JAKMIP3: variants seen among roughly 807,000 people sequenced by gnomAD.
JAKMIP3 encodes the protein Janus kinase and microtubule interacting protein 3.
Under a neutral mutation model 118.5 loss-of-function variants are expected in JAKMIP3, and 58 were observed. The observed-to-expected ratio is 0.49, with a 90% CI of 0.40 to 0.61. JAKMIP3 has a LOEUF of 0.61. Among genes scored for constraint, JAKMIP3 ranks in the 20% least tolerant of loss-of-function variants. The pLI is 0.00. For missense variants in JAKMIP3, 950 were observed against 1,109.0 expected (o/e 0.86, Z 2.04); for synonymous variants, 486 against 451.2 (o/e 1.08, Z -0.98).
chr10:132,180,580 C>CGTGTGTGT lies in JAKMIP3; in HGVS notation c.*1104-1774_*1104-1773insTGTGTGTG, dbSNP rs1241643311. 3.1e-4 allele frequency among the ~76,000 whole-genome samples: 4 copies of CGTGTGTGT among 12,988 alleles called. 2 individuals carry two copies. Among genetic ancestry groups the CGTGTGTGT allele is most frequent in the African/African-American group, 2.2e-3 (4 of 1,848 alleles). 8.5% of individuals were successfully genotyped at this position (12,988 alleles called of 152,430 possible). A position where few individuals can be genotyped will look rare whatever the true frequency, so the allele number is the denominator to read the frequency against. On this transcript the variant is annotated intron_variant, in intron 23 of 23. Coordinates refer to ENST00000684848, the MANE Select transcript of JAKMIP3 (RefSeq NM_001323087.2). ...ATGCGTGTGTGTGCGTGTGTGTGTG[C>CGTGTGTGT]GTGCGCGTGTGTGTGTGCGTGCGCG...
At position 132,180,623 on chromosome 10, in the gene JAKMIP3, G is replaced by GCA. The variant is rs2060892818; in HGVS notation, c.*1104-1734_*1104-1733insCA. ...CGTGCGCGTGTGTGTGTGCGTGTGTGTGCGTGTGTGCGTGCGTGTGTGCGT... is the reference window on the plus strand; with the variant it reads ...CGTGCGCGTGTGTGTGTGCGTGTGTGCATGCGTGTGTGCGTGCGTGTGTGCGT... On this transcript the variant is annotated intron_variant, in intron 23 of 23. Coordinates refer to ENST00000684848, the MANE Select transcript of JAKMIP3 (RefSeq NM_001323087.2). 4.0e-5 allele frequency among the ~76,000 whole-genome samples: 2 copies of GCA among 50,100 alleles called. 1 individual carries two copies. Among genetic ancestry groups the GCA allele is most frequent in the African/African-American group, 2.0e-4 (2 of 9,998 alleles). 32.9% of individuals were successfully genotyped at this position (50,100 alleles called of 152,430 possible). A position where few individuals can be genotyped will look rare whatever the true frequency, so the allele number is the denominator to read the frequency against.
At chr10:132,052,947 G>A (rs115454253) in intron 1 of JAKMIP3, among the ~76,000 whole-genome samples, 1,892 of 152,314 alleles carry the variant, frequency 0.012, 35 homozygotes, top group African/African-American at 0.043. Context: ...AACTGTATTT[G>A]TCAATTCTAA....
At chr10:132,134,896 G>A in intron 4 of JAKMIP3, 145 bp from the exon 5 acceptor site, 1 of 1,019,758 alleles carries the variant, frequency 9.8e-7, no homozygotes, top group Non-Finnish European at 1.4e-6. Context: ...TTTCCCCGGG[G>A]GGCTCCGAAC....
chr10:132,057,577 T>C (rs562116411), intron 1 of JAKMIP3, among the ~76,000 whole-genome samples: 5 of 152,354 alleles, frequency 3.3e-5, no homozygotes, highest in Non-Finnish European at 5.9e-5. Context: ...GGCCCCGGCA[T>C]GTGGCACAGG....
intron 1 of JAKMIP3, among the ~76,000 whole-genome samples, chr10:132,076,259 T>C (rs2040770691): frequency 6.6e-6 from 1 of 151,884 alleles, no homozygotes; most frequent in Non-Finnish European, 1.5e-5. Context: ...AATCATACAC[T>C]CTGTGGCCTT....
intron 13 of JAKMIP3, among the ~76,000 whole-genome samples, chr10:132,147,312 CT>C (rs1057323353): frequency 5.3e-5 from 8 of 152,244 alleles, no homozygotes; most frequent in African/African-American, 1.7e-4. Flanking sequence ...CTGTCTGCCC[CT>C]GGTGGCCCCT....
At chr10:132,070,582 T>A (rs1003761114) in intron 1 of JAKMIP3, among the ~76,000 whole-genome samples, 4 of 152,204 alleles carry the variant, frequency 2.6e-5, no homozygotes, top group African/African-American at 9.6e-5. Flanking sequence ...CCTCTTCCTT[T>A]TATGTAGATG....
intron 10 of JAKMIP3, 103 bp from the exon 11 acceptor site, chr10:132,141,817 T>A: frequency 7.7e-7 from 1 of 1,293,522 alleles, no homozygotes; most frequent in Non-Finnish European, 1.1e-6. Context: ...CATACACCAT[T>A]TGATATCTGG....
chr10:132,093,612 C>A (rs1222978110), intron 1 of JAKMIP3, among the ~76,000 whole-genome samples: 2 of 152,168 alleles, frequency 1.3e-5, no homozygotes, highest in Non-Finnish European at 2.9e-5. Context: ...GTAGGAGTGA[C>A]CCAATTTTCC....
At chr10:132,132,858 C>T (rs2050903587) in intron 3 of JAKMIP3, among the ~76,000 whole-genome samples, 1 of 152,212 alleles carries the variant, frequency 6.6e-6, no homozygotes, top group African/African-American at 2.4e-5. Context: ...CATGGTCTCC[C>T]CTGCCTGTTT....
intron 1 of JAKMIP3, among the ~76,000 whole-genome samples, chr10:132,053,941 G>A (rs1386773428): frequency 6.6e-6 from 1 of 151,636 alleles, no homozygotes; most frequent in African/African-American, 2.4e-5. Flanking sequence ...GGTGGGGGCT[G>A]AGGCAGGAGA....
At position 132,073,464 on chromosome 10, in the gene JAKMIP3, C is replaced by T. The variant is rs1456208815; in HGVS notation, c.-138+7403C>T. On this transcript the variant is annotated intron_variant, in intron 1 of 23. Coordinates refer to ENST00000684848, the MANE Select transcript of JAKMIP3 (RefSeq NM_001323087.2). ...CCTCCCAAAGTGCTGGGATTACAGG[C>T]GTGAGCCACTGCGCCCGGCCTATCT... 9.3e-5 allele frequency among the ~76,000 whole-genome samples: 14 copies of T among 151,132 alleles called. No individual in the cohort carries two copies. The East Asian group carries it at 1.9e-3, about 21-fold the overall frequency.
chr10:132,120,044 T>C (rs763905800), intron 3 of JAKMIP3, among the ~76,000 whole-genome samples: 3 of 152,210 alleles, frequency 2.0e-5, no homozygotes, highest in Admixed American at 6.5e-5. Context: ...AGTCGTAGAA[T>C]AGCCTAGTCA....
In JAKMIP3 at chr10:132,177,374, ACACATGCCAGTGTGTG is replaced by A. The variant is rs1341558749; in HGVS notation, c.*1104-4982_*1104-4967del. Among the ~76,000 whole-genome samples the A allele has an allele frequency of 1.2e-4, 19 of 152,376 alleles. No homozygotes were observed. In the East Asian group the frequency reaches 3.7e-3, roughly 29 times the overall value. On this transcript the variant is annotated intron_variant, in intron 23 of 23. Coordinates refer to ENST00000684848, the MANE Select transcript of JAKMIP3 (RefSeq NM_001323087.2). ...GCAGAAAGTGTGCGCACGTGTGTGC[ACACATGCCAGTGTGTG>A]GGGGGAGTGTGCCTGTGCATTTGGT...
chr10:132,081,712 G>A (rs1034042299), intron 1 of JAKMIP3, among the ~76,000 whole-genome samples: 2 of 151,976 alleles, frequency 1.3e-5, no homozygotes, highest in Non-Finnish European at 2.9e-5. Context: ...AGATGAGCCA[G>A]CCCCTCTGCT....
intron 1 of JAKMIP3, among the ~76,000 whole-genome samples, chr10:132,091,914 T>C (rs2043144230): frequency 1.3e-5 from 2 of 152,238 alleles, no homozygotes; most frequent in Non-Finnish European, 2.9e-5. Flanking sequence ...TGGTACTGGT[T>C]GTTCCTTTCC....
upstream of JAKMIP3, among the ~76,000 whole-genome samples, chr10:132,064,233 A>C (rs1369433287): frequency 6.6e-6 from 1 of 152,230 alleles, no homozygotes; most frequent in Non-Finnish European, 1.5e-5. The surrounding 1 kb of genome is among the most constrained non-coding windows in gnomAD (Gnocchi z 4.4). Flanking sequence ...TTAAAGGCTT[A>C]CAACAGCGCC....
At chr10:132,166,267 A>G (rs1269120478) in intron 21 of JAKMIP3, among the ~76,000 whole-genome samples, 1 of 152,208 alleles carries the variant, frequency 6.6e-6, no homozygotes, top group Non-Finnish European at 1.5e-5. Flanking sequence ...TTGAGGCTGC[A>G]GTGAGCCATG....
intron 3 of JAKMIP3, among the ~76,000 whole-genome samples, chr10:132,125,984 G>A (rs529679178): frequency 3.9e-5 from 6 of 152,136 alleles, no homozygotes; most frequent in East Asian, 1.9e-4. Context: ...CACTGCAGCC[G>A]TAAACTCATG....
Sources: gnomAD v4.1 joint callset for allele counts (sites outside exome capture counted in the v4.1 genomes callset) on GRCh38, gnomAD v4.1.1 for gene constraint, Gnocchi (gnomAD v3.1) non-coding constraint, MANE v1.5 for transcripts, NCBI Gene and HGNC (gene_info 2026-07-23, HGNC 2026-07-21) for gene names.